UST: variants seen among roughly 807,000 people sequenced by gnomAD.
UST encodes chondroitin sulfate 2-O-sulfotransferase.
In UST, 21 loss-of-function variants were observed where a neutral mutation model predicts 45.6. The ratio of observed to expected loss-of-function variants is 0.46; its 90% CI spans 0.33 to 0.66. UST has a LOEUF of 0.66. Among genes scored for constraint, UST ranks in the 30% least tolerant of loss-of-function variants. UST has a pLI of 0.02. For synonymous variants in UST, 215 were observed against 200.6 expected (o/e 1.07, Z -0.61); for missense variants, 463 against 512.4 (o/e 0.90, Z 0.93).
intron 5 of UST, among the ~76,000 whole-genome samples, chr6:149,017,328 G>T (rs1039018696): frequency 6.6e-6 from 1 of 150,974 alleles, no homozygotes; most frequent in East Asian, 1.9e-4. Context: ...AGTGAGCCGA[G>T]ATCACGCCAC....
intron 5 of UST, among the ~76,000 whole-genome samples, chr6:149,017,967 C>T (rs767696996): frequency 1.3e-5 from 2 of 152,106 alleles, no homozygotes; most frequent in Non-Finnish European, 1.5e-5. Flanking sequence ...TATGCACCCC[C>T]CTATTCACTT....
At chr6:148,976,333 G>T (rs1781016416) in intron 5 of UST, among the ~76,000 whole-genome samples, 1 of 152,182 alleles carries the variant, frequency 6.6e-6, no homozygotes, top group Non-Finnish European at 1.5e-5. Flanking sequence ...TCTCACCATG[G>T]TGATTTCAAA....
intron 1 of UST, among the ~76,000 whole-genome samples, chr6:148,823,697 A>G (rs970315121): frequency 6.6e-6 from 1 of 152,206 alleles, no homozygotes; most frequent in African/African-American, 2.4e-5. Context: ...ATGTGTTACA[A>G]AGATTAGCCC....
At chr6:148,895,976 A>G (rs1405351332) in intron 2 of UST, among the ~76,000 whole-genome samples, 1 of 152,254 alleles carries the variant, frequency 6.6e-6, no homozygotes, top group African/African-American at 2.4e-5. Flanking sequence ...TCCATGTTCT[A>G]TAGTAAAGAA....
At chr6:148,823,496 A>G (rs1224849644) in intron 1 of UST, among the ~76,000 whole-genome samples, 1 of 152,208 alleles carries the variant, frequency 6.6e-6, no homozygotes, top group Admixed American at 6.5e-5. Flanking sequence ...TTTTGTGATA[A>G]GCATAATTTA....
At chr6:148,890,977 G>GT (rs1779007507) in intron 2 of UST, among the ~76,000 whole-genome samples, 1 of 152,152 alleles carries the variant, frequency 6.6e-6, no homozygotes, top group African/African-American at 2.4e-5. Flanking sequence ...GCATATGTTT[G>GT]TATGTATGCC....
chr6:148,804,008 T>C (rs1443220641), intron 1 of UST, among the ~76,000 whole-genome samples: 1 of 152,226 alleles, frequency 6.6e-6, no homozygotes, highest in Non-Finnish European at 1.5e-5. Context: ...GTCTGGGGTT[T>C]GTCTCCACTG....
At chr6:148,988,769 A>G (rs748345819) in intron 5 of UST, among the ~76,000 whole-genome samples, 7 of 151,996 alleles carry the variant, frequency 4.6e-5, no homozygotes, top group African/African-American at 9.7e-5. Flanking sequence ...CCAAATGCCA[A>G]TCCACTCCGC....
At chr6:149,064,042 T>C (rs1300353024) in intron 7 of UST, among the ~76,000 whole-genome samples, 2 of 152,166 alleles carry the variant, frequency 1.3e-5, no homozygotes, top group East Asian at 1.9e-4. Context: ...GTAGTAAGTA[T>C]GAAAGACCCA....
rs7765192 is a variant in UST at position 148,951,172 on chromosome 6, C to G, written c.448-2700C>G. On this transcript the variant is annotated intron_variant, in intron 3 of 7. Transcript: ENST00000367463. ...CCTGAGAGCCAGTTGAGGGAAATAGCACAGGTGGAATTCACATGGCTCAAC... is the reference window on the plus strand; with the variant it reads ...CCTGAGAGCCAGTTGAGGGAAATAGGACAGGTGGAATTCACATGGCTCAAC... 8.9e-3 allele frequency among the ~76,000 whole-genome samples: 1,348 copies of G among 152,286 alleles called. 16 individuals carry two copies. The highest frequency in any genetic ancestry group is 0.026 in the African/African-American group (1,076 of 41,548).
intron 3 of UST, among the ~76,000 whole-genome samples, chr6:148,945,862 G>T (rs927991398): frequency 1.3e-5 from 2 of 152,114 alleles, no homozygotes; most frequent in Non-Finnish European, 2.9e-5. Flanking sequence ...CCCACCAGTT[G>T]TAACAGTAAA....
At chr6:148,908,239 T>G (rs1393536445) in intron 2 of UST, among the ~76,000 whole-genome samples, 1 of 152,194 alleles carries the variant, frequency 6.6e-6, no homozygotes, top group Non-Finnish European at 1.5e-5. Flanking sequence ...TTTTAACTAG[T>G]TTTTATTCCT....
chr6:148,865,664 TTGTGTGTGTGTGTGTGTGTGTGTG>T (rs56252604), intron 1 of UST, among the ~76,000 whole-genome samples: 5 of 117,846 alleles, frequency 4.2e-5, no homozygotes, highest in South Asian at 3.2e-4. Context: ...CTTGCTGAAA[TTGTGTGTGTGTGTGTGTGTGTGTG>T]TGTGTGTGTG....
chr6:148,993,058 C>A, intron 5 of UST: 1 of 985,408 alleles, frequency 1.0e-6, no homozygotes, highest in East Asian at 1.1e-4. Flanking sequence ...AGGAGGAGCA[C>A]CAAAGGAGGT....
intron 7 of UST, among the ~76,000 whole-genome samples, chr6:149,043,860 A>G (rs1358142991): frequency 6.6e-6 from 1 of 152,254 alleles, no homozygotes; most frequent in Non-Finnish European, 1.5e-5. Flanking sequence ...GGTTCCTGGC[A>G]TCAGCCATGG....
intron 2 of UST, among the ~76,000 whole-genome samples, chr6:148,926,880 A>G (rs1779823258): frequency 6.6e-6 from 1 of 152,190 alleles, no homozygotes; most frequent in South Asian, 2.1e-4. Context: ...GTAAGCAACT[A>G]GCAGAATCTG....
At chr6:148,782,775 C>CA (rs1276948675) in intron 1 of UST, among the ~76,000 whole-genome samples, 1 of 152,032 alleles carries the variant, frequency 6.6e-6, no homozygotes, top group Non-Finnish European at 1.5e-5. Flanking sequence ...ATGGATAAGC[C>CA]AAAAAAGCGG....
intron 5 of UST, among the ~76,000 whole-genome samples, chr6:148,977,578 C>T (rs1258152765): frequency 6.6e-6 from 1 of 151,804 alleles, no homozygotes; most frequent in Non-Finnish European, 1.5e-5. Context: ...GGTGAAACCC[C>T]GTCTCTACTA....
At chr6:148,754,195 A>T (rs1776047594) in intron 1 of UST, among the ~76,000 whole-genome samples, 1 of 151,880 alleles carries the variant, frequency 6.6e-6, no homozygotes, top group African/African-American at 2.4e-5. Flanking sequence ...ATGGGGTTTC[A>T]CTGTGTTAGC....
Sources: gnomAD v4.1 joint callset for allele counts (sites outside exome capture counted in the v4.1 genomes callset) on GRCh38, gnomAD v4.1.1 for gene constraint, MANE v1.5 for transcripts, NCBI Gene and HGNC (gene_info 2026-07-23, HGNC 2026-07-21) for gene names.